The following FGF13 variants were observed in gnomAD, a reference collection of about 807,000 sequenced individuals.
FGF13 encodes fibroblast growth factor homologous factor 2.
FGF13 carries 2 observed loss-of-function variants against 19.5 expected under a neutral mutation model. That is an observed-to-expected ratio of 0.10 (90% CI 0.04 to 0.32). FGF13 has a LOEUF of 0.32. Ranked by LOEUF, FGF13 falls within the 10% of genes least tolerant of loss-of-function variation. The pLI is 1.00. For missense variants in FGF13, 113 were observed against 192.7 expected, an observed-to-expected ratio of 0.59 and a Z score of 2.45; for synonymous variants, 72 against 76.9, an observed-to-expected ratio of 0.94 and a Z score of 0.33.
intron 1 of FGF13, among the ~76,000 whole-genome samples, chrX:138,882,759 T>C (rs944650925): frequency 9.0e-6 from 1 of 111,714 alleles, no homozygotes; most frequent in Non-Finnish European, 1.9e-5. Flanking sequence ...AACCCTTTGT[T>C]CAAACAAACT....
chrX:138,880,035 C>A (rs759046375), intron 1 of FGF13, among the ~76,000 whole-genome samples: 18 of 112,269 alleles, frequency 1.6e-4, no homozygotes, highest in Non-Finnish European at 2.6e-4. Context: ...TAAACAGACA[C>A]TTCTTAAAAG....
At chrX:138,742,245 G>A (rs989929902), upstream of FGF13, among the ~76,000 whole-genome samples, 4 of 112,113 alleles carry the variant, frequency 3.6e-5, no homozygotes, top group African/African-American at 9.7e-5. Flanking sequence ...ACCAGCACCT[G>A]TGAATAGATG....
chrX:139,103,397 C>T (rs2083530774), intron 1 of FGF13, among the ~76,000 whole-genome samples: 1 of 112,039 alleles, frequency 8.9e-6, no homozygotes, highest in African/African-American at 3.3e-5. Context: ...ATAAACAGTA[C>T]TAAGGCTAAG....
intron 3 of FGF13, among the ~76,000 whole-genome samples, chrX:138,689,101 T>C (rs1417799698): frequency 8.9e-6 from 1 of 111,791 alleles, no homozygotes; most frequent in Non-Finnish European, 1.9e-5. Context: ...CTAGTCAGAA[T>C]TTCAGAGAAT....
intron 1 of FGF13, among the ~76,000 whole-genome samples, chrX:138,890,555 A>T (rs1187668728): frequency 1.8e-5 from 2 of 111,775 alleles, no homozygotes; most frequent in East Asian, 5.6e-4. Flanking sequence ...CCCCATAATA[A>T]CCTTGTGAGG....
In FGF13 at chrX:138,761,834, C is replaced by G. The variant is rs974218341; in HGVS notation, c.218-52906G>C. Among the ~76,000 whole-genome samples the G allele has an allele frequency of 2.7e-5, 3 of 111,348 alleles. No individual in the cohort carries two copies. The Admixed American group carries it at 2.9e-4, about 11-fold the overall frequency. ...TATCCTGGTTATCTTTCCACGAAAT[C>G]CATCCCCTCCTTTGTCTCCTTTACT... On this transcript the variant is annotated intron_variant, in intron 3 of 6. Coordinates refer to the FGF13 transcript ENST00000436198.
chrX:139,111,260 G>A (rs1279458401), intron 1 of FGF13, among the ~76,000 whole-genome samples: 1 of 111,493 alleles, frequency 9.0e-6, no homozygotes, highest in Non-Finnish European at 1.9e-5. Flanking sequence ...TCTGGCAAAG[G>A]TGTTCAATAG....
chrX:138,923,636 C>T (rs1251765110), intron 1 of FGF13, among the ~76,000 whole-genome samples: 1 of 111,645 alleles, frequency 9.0e-6, no homozygotes, highest in African/African-American at 3.3e-5. Flanking sequence ...TGAATTCATG[C>T]ATTCTCCTGA....
rs919979542 is a variant in FGF13 at position 138,752,629 on chromosome X, T to C, written c.218-43701A>G. On this transcript the variant is annotated intron_variant, in intron 3 of 6. Transcript: ENST00000436198. ...GGTGTGTGATCAGAAAGTTTATAGA[T>C]GGCTAGTCTAGTGATAGTGGGAAAC... 1.7e-4 allele frequency among the ~76,000 whole-genome samples: 19 copies of C among 111,707 alleles called. 1 individual carries two copies. The highest frequency in any genetic ancestry group is 4.9e-4 in the African/African-American group (15 of 30,711).
chrX:138,688,003 G>C (rs1398963142), intron 3 of FGF13, among the ~76,000 whole-genome samples: 1 of 107,079 alleles, frequency 9.3e-6, no homozygotes, highest in Non-Finnish European at 1.9e-5. Context: ...CCAGACTGGA[G>C]TGCAGTGAGT....
At chrX:138,661,580 A>G (rs191408190) in intron 3 of FGF13, among the ~76,000 whole-genome samples, 24 of 111,202 alleles carry the variant, frequency 2.2e-4, no homozygotes, top group African/African-American at 7.5e-4. Context: ...TTGTTTGGAG[A>G]TTTTCTCTGT....
In FGF13 at chrX:139,130,702, C is replaced by T. The variant is rs150571275; in HGVS notation, c.-113+72714G>A. Among the ~76,000 whole-genome samples, 516 of 111,466 alleles carry T rather than the reference C, an allele frequency of 4.6e-3. 1 individual carries two copies. Among genetic ancestry groups the T allele is most frequent in the Non-Finnish European group, 7.6e-3 (406 of 53,076 alleles). The stretch of plus-strand genomic sequence containing the variant: ...TGTTAAAAAATGGTAGAGCCTTAGT[C>T]CTATTTTTGTCATCTGTAATTTTTT... On this transcript the variant is annotated intron_variant, in intron 1 of 2. Transcript: ENST00000421460.
At chrX:139,055,899 C>G (rs773991622) in intron 1 of FGF13, among the ~76,000 whole-genome samples, 34 of 112,595 alleles carry the variant, frequency 3.0e-4, no homozygotes, top group Non-Finnish European at 6.4e-4. Context: ...TGCCTCAAAA[C>G]TAGGTCCTGT....
intron 3 of FGF13, among the ~76,000 whole-genome samples, chrX:138,776,718 C>G (rs1165022284): frequency 8.9e-6 from 1 of 112,070 alleles, no homozygotes; most frequent in Non-Finnish European, 1.9e-5. Context: ...TCCTCTCTGT[C>G]CTTTGCTAAT....
intron 1 of FGF13, among the ~76,000 whole-genome samples, chrX:138,931,655 G>C (rs775517385): frequency 9.0e-6 from 1 of 111,669 alleles, no homozygotes; most frequent in Non-Finnish European, 1.9e-5. Context: ...AGCTATATGT[G>C]AATAGAGTCA....
intron 1 of FGF13, among the ~76,000 whole-genome samples, chrX:139,189,714 T>A (rs1174800512): frequency 1.8e-5 from 2 of 111,802 alleles, no homozygotes; most frequent in Admixed American, 9.5e-5. Flanking sequence ...GTGTACACGG[T>A]TTCACTTTTG....
intron 1 of FGF13, among the ~76,000 whole-genome samples, chrX:139,079,951 A>G (rs1243730893): frequency 9.3e-6 from 1 of 107,249 alleles, no homozygotes; most frequent in African/African-American, 3.5e-5. Context: ...GTACTCAGCA[A>G]ATGTTAGTTG....
intron 3 of FGF13, among the ~76,000 whole-genome samples, chrX:138,779,020 G>A (rs1006793876): frequency 8.9e-6 from 1 of 112,333 alleles, no homozygotes; most frequent in African/African-American, 3.2e-5. Flanking sequence ...TGACCCCAGA[G>A]CAGCCTAACT....
In FGF13 at chrX:138,711,221, C is replaced by A; in HGVS notation, c.-218G>T. ...GGCGGCGGTCCGGCTCCCGCGCGGG[C>A]TGCTGGCTGCCTGGGTCGGAGTCGA... On this transcript the variant is annotated 5_prime_UTR_variant, in exon 1 of 5. Coordinates refer to ENST00000315930, the MANE Select transcript of FGF13 (RefSeq NM_004114.5). 1.9e-6 allele frequency: 2 copies of A among 1,053,911 alleles called. No homozygotes were observed. Among genetic ancestry groups the A allele is most frequent in the Non-Finnish European group, 2.4e-6 (2 of 825,247 alleles). 86.9% of individuals were successfully genotyped at this position (1,053,911 alleles called of 1,213,427 possible).
Sources: gnomAD v4.1 joint callset for allele counts (sites outside exome capture counted in the v4.1 genomes callset) on GRCh38, gnomAD v4.1.1 for gene constraint, MANE v1.5 for transcripts, NCBI Gene and HGNC (gene_info 2026-07-23, HGNC 2026-07-21) for gene names.